Variants in DCAF4 observed in about 807,000 individuals in gnomAD.
DCAF4 encodes the protein DDB1- and CUL4-associated factor 4.
In DCAF4, 37 loss-of-function variants were observed where a neutral mutation model predicts 60.9. The observed-to-expected ratio is 0.61, with a 90% CI of 0.47 to 0.80. The LOEUF (loss-of-function observed/expected upper bound fraction) is 0.80. Among genes scored for constraint, DCAF4 ranks in the 30% least tolerant of loss-of-function variants. The pLI, the probability that DCAF4 is intolerant of heterozygous loss-of-function variation, is 0.00. For synonymous variants in DCAF4, 243 were observed against 254.8 expected (o/e 0.95, Z 0.44); for missense variants, 577 against 650.0 (o/e 0.89, Z 1.22).
At chr14:72,961,828 G>T (rs1750039188), downstream of DCAF4, 2 of 1,055,982 alleles carry the variant, frequency 1.9e-6, no homozygotes, top group South Asian at 3.7e-5. Flanking sequence ...GCAGGCTCAG[G>T]CCTCTCTCTC....
chr14:72,939,332 C>T (rs978401340), intron 2 of DCAF4, among the ~76,000 whole-genome samples: 1 of 152,170 alleles, frequency 6.6e-6, no homozygotes, highest in Admixed American at 6.5e-5. Context: ...GAACTAATCA[C>T]CTCTGTCCCC....
chr14:72,942,323 A>T (rs992431554), intron 5 of DCAF4: 2 of 156,120 alleles, frequency 1.3e-5, no homozygotes, highest in African/African-American at 4.8e-5. Flanking sequence ...GAGTGGAGTG[A>T]TTTGCTCAAG....
At chr14:72,951,961 C>A in intron 9 of DCAF4, 84 bp downstream of exon 9, 1 of 1,416,042 alleles carries the variant, frequency 7.1e-7, no homozygotes, top group Non-Finnish European at 1.0e-6. Context: ...AGTATGGGGC[C>A]GCTGCAGAGG....
At chr14:72,946,162 A>G (rs1252102252) in intron 7 of DCAF4, 135 bp downstream of exon 7, 1 of 1,163,712 alleles carries the variant, frequency 8.6e-7, no homozygotes, top group Non-Finnish European at 1.2e-6. Flanking sequence ...TTGATTTTTT[A>G]CTTGAGCCTA....
At chr14:72,927,263 A>G (rs1887698334) in intron 1 of DCAF4, among the ~76,000 whole-genome samples, 3 of 151,652 alleles carry the variant, frequency 2.0e-5, no homozygotes, top group Non-Finnish European at 1.5e-5. Flanking sequence ...AACTGAGGGG[A>G]CGGCTTCCTA....
chr14:72,942,929 G>A, intron 5 of DCAF4, 65 bp from the exon 6 acceptor site: 2 of 1,493,300 alleles, frequency 1.3e-6, no homozygotes, highest in East Asian at 2.3e-5. Context: ...GAAGGCCAGA[G>A]ACCCCCGAAT....
chr14:72,958,857 C>G lies in DCAF4; in HGVS notation c.*52C>G, dbSNP rs1458654168. The stretch of plus-strand genomic sequence containing the variant: ...GTGGATTTGACTTACGGGAGTAAAG[C>G]GTAACTTTTTACTGCATCTAATGAG... On this transcript the variant is annotated 3_prime_UTR_variant, in exon 14 of 14. Transcript: ENST00000358377. 2.0e-6 allele frequency: 3 copies of G among 1,510,578 alleles called. No homozygotes were observed. The highest frequency in any genetic ancestry group is 1.4e-5 in the African/African-American group (1 of 71,480). 93.6% of individuals were successfully genotyped at this position (1,510,578 alleles called of 1,614,324 possible). A position where few individuals can be genotyped will look rare whatever the true frequency, so the allele number is the denominator to read the frequency against.
chr14:72,940,274 C>T lies in DCAF4; in HGVS notation c.248C>T (p.Pro83Leu). 1 of 1,614,190 alleles carries T rather than the reference C, an allele frequency of 6.2e-7. No homozygotes were observed. Among genetic ancestry groups the T allele is most frequent in the Non-Finnish European group, 8.5e-7 (1 of 1,180,036 alleles). ...PEKKRYFRLL[P>L]GHNNCNPLTK... ...AAGAAACGCTACTTCCGCTTGCTCC[C>T]TGGACATAACAACTGCAACCCCCTG... The change falls in exon 4 of 14, where the codon CCT becomes CTT. Residue 83 changes from proline to leucine, a missense_variant. Pro to Leu is a moderately conservative substitution (Grantham distance 98). Transcript: ENST00000358377.
Position 72,958,786 on chromosome 14 carries a change from A to C in DCAF4, c.1469A>C (p.Tyr490Ser). ...GLLMAVGQDL[Y>S]CYSYS The stretch of plus-strand genomic sequence containing the variant: ...CTCATGGCTGTCGGGCAGGACCTTT[A>C]CTGTTACTCCTACAGCTAATTCTGC... Residue 490 changes from tyrosine (Y) to serine (S), a missense_variant, in exon 14 of 14, where the codon TAC becomes TCC. Transcript: ENST00000358377. 2 of 1,577,968 alleles carry C rather than the reference A, an allele frequency of 1.3e-6. No individual in the cohort carries two copies. The highest frequency in any genetic ancestry group is 1.7e-6 in the Non-Finnish European group (2 of 1,163,692).
intron 9 of DCAF4, among the ~76,000 whole-genome samples, chr14:72,953,732 A>AAAAAAAATATATAT (rs1555527852): frequency 4.6e-5 from 1 of 21,778 alleles, no homozygotes; most frequent in Non-Finnish European, 7.4e-5. Flanking sequence ...AAAAAAAAAA[A>AAAAAAAATATATAT]ATATATATAT....
chr14:72,930,108 A>AG (rs1208127123), intron 1 of DCAF4, among the ~76,000 whole-genome samples: 1 of 152,226 alleles, frequency 6.6e-6, no homozygotes, highest in East Asian at 1.9e-4. Context: ...TTCAGCCAAA[A>AG]GGGGGGTAGG....
rs749686707 is a variant in DCAF4, at chr14:72,954,522, C to G, written c.1005+39C>G. ...GGACAGGCAGAATATAAAAGTTTGCCCCATGTAGAAATTTGGCCAGATTGA... is the reference window on the plus strand; with the variant it reads ...GGACAGGCAGAATATAAAAGTTTGCGCCATGTAGAAATTTGGCCAGATTGA... On this transcript the variant is annotated intron_variant, in intron 11 of 13. Coordinates refer to ENST00000358377, the MANE Select transcript of DCAF4 (RefSeq NM_015604.4). The G allele has an allele frequency of 1.1e-5, 18 of 1,602,768 alleles. No homozygotes were observed. In the Admixed American group the frequency reaches 1.8e-4, roughly 16 times the overall value.
In DCAF4 at chr14:72,958,683, T is replaced by A. The variant is rs1261405714; in HGVS notation, c.1366T>A (p.Tyr456Asn). ...ARLLRTIPSP[Y>N]PASKADIPSV... The stretch of plus-strand genomic sequence containing the variant: ...CCTACTGAGAACCATACCCTCCCCG[T>A]ACCCTGCCTCCAAGGCCGACATTCC... The change falls in exon 14 of 14, where the codon TAC becomes AAC. Residue 456 changes from tyrosine to asparagine, a missense_variant. By Grantham distance (143) the Tyr-to-Asn change is moderately radical. Coordinates refer to ENST00000358377, the MANE Select transcript of DCAF4 (RefSeq NM_015604.4). 6.2e-7 allele frequency: 1 copy of A among 1,614,202 alleles called. No individual in the cohort carries two copies. The highest frequency in any genetic ancestry group is 1.1e-5 in the South Asian group (1 of 91,090).
intron 13 of DCAF4, chr14:72,957,831 T>G (rs1892502737): frequency 6.6e-6 from 1 of 152,248 alleles, no homozygotes; most frequent in South Asian, 2.1e-4. Context: ...GTAGTGTATA[T>G]CATGTTTCTG....
downstream of DCAF4, chr14:72,960,561 G>A: frequency 9.7e-7 from 1 of 1,027,114 alleles, no homozygotes; most frequent in Non-Finnish European, 1.2e-6. Flanking sequence ...TCAGCATTGT[G>A]GCTGACAGTC....
chr14:72,951,063 C>T (rs1190616908), intron 8 of DCAF4, among the ~76,000 whole-genome samples: 1 of 152,028 alleles, frequency 6.6e-6, no homozygotes, highest in Non-Finnish European at 1.5e-5. Flanking sequence ...TCACCGCAGC[C>T]TTGACTTCCA....
chr14:72,955,091 A>G (rs1420375249), intron 11 of DCAF4, among the ~76,000 whole-genome samples: 2 of 151,214 alleles, frequency 1.3e-5, no homozygotes, highest in Non-Finnish European at 2.9e-5. Context: ...AGCCTGGGCA[A>G]CAGAGCAAGA....
chr14:72,954,368 CA>C lies in DCAF4; in HGVS notation c.908-17del. 4.3e-6 allele frequency: 7 copies of C among 1,614,002 alleles called. No individual in the cohort carries two copies. Among genetic ancestry groups the C allele is most frequent in the Non-Finnish European group, 5.9e-6 (7 of 1,179,862 alleles). The stretch of plus-strand genomic sequence containing the variant: ...TACATGTGACATAATCTTACCAGCC[CA>C]TCTCTGTCTCCGCCAGGCTTGTCTC... On this transcript the variant is annotated splice_polypyrimidine_tract_variant and intron_variant, in intron 10 of 13. Transcript: ENST00000358377.
intron 7 of DCAF4, 134 bp downstream of exon 7, chr14:72,946,161 T>C: frequency 3.4e-6 from 4 of 1,173,204 alleles, no homozygotes; most frequent in Non-Finnish European, 4.8e-6. Context: ...CTTGATTTTT[T>C]ACTTGAGCCT....
Sources: allele counts gnomAD v4.1 joint callset (sites outside exome capture counted in the v4.1 genomes callset), GRCh38; gene constraint gnomAD v4.1.1; transcripts MANE v1.5; gene names NCBI Gene and HGNC (gene_info 2026-07-23, HGNC 2026-07-21).